RANBP3: variants seen among roughly 807,000 people sequenced by gnomAD.
RANBP3 encodes RAN binding protein 3.
In RANBP3, 14 loss-of-function variants were observed where a neutral mutation model predicts 77.3. The observed-to-expected ratio is 0.18, with a 90% CI of 0.12 to 0.28. The LOEUF is 0.28. Among genes scored for constraint, RANBP3 ranks in the 10% least tolerant of loss-of-function variants. The pLI is 1.00. For synonymous variants in RANBP3, 315 were observed against 312.4 expected (o/e 1.01, Z -0.09); for missense variants, 586 against 752.3 (o/e 0.78, Z 2.59).
Position 5,958,974 on chromosome 19 carries a change from G to A in RANBP3, c.23-1001C>T, listed in dbSNP as rs909954858. 8.5e-5 allele frequency among the ~76,000 whole-genome samples: 13 copies of A among 152,222 alleles called. No individual in the cohort carries two copies. The highest frequency in any genetic ancestry group is 2.9e-4 in the African/African-American group (12 of 41,462). Reference sequence around the variant, plus strand: ...CTGCCTTCGCAGGCCCCCCGACCCCGGTCGTGGGGAGCCAGGCATTACCCA... The same window carrying A: ...CTGCCTTCGCAGGCCCCCCGACCCCAGTCGTGGGGAGCCAGGCATTACCCA... On this transcript the variant is annotated intron_variant, in intron 1 of 16. Coordinates refer to ENST00000340578, the MANE Select transcript of RANBP3 (RefSeq NM_007322.3). The surrounding 1 kb of genome is among the most constrained non-coding windows in gnomAD (Gnocchi z 4.4).
chr19:5,967,899 C>T (rs1425105118), intron 1 of RANBP3, among the ~76,000 whole-genome samples: 2 of 152,072 alleles, frequency 1.3e-5, no homozygotes, highest in Non-Finnish European at 2.9e-5. Flanking sequence ...GATATGTAAT[C>T]CCAGCTACTC....
chr19:5,950,296 CT>C (rs1436763822), intron 3 of RANBP3, among the ~76,000 whole-genome samples: 1 of 152,208 alleles, frequency 6.6e-6, no homozygotes, highest in African/African-American at 2.4e-5. Flanking sequence ...CCCAAACCCA[CT>C]TTTGTGCCAC....
intron 3 of RANBP3, among the ~76,000 whole-genome samples, chr19:5,945,971 T>C (rs1426833355): frequency 1.3e-5 from 2 of 151,640 alleles, no homozygotes; most frequent in Non-Finnish European, 2.9e-5. Flanking sequence ...CTTTCCCTCC[T>C]GCCTCGGTGG....
chr19:5,952,666 C>G lies in RANBP3; in HGVS notation c.79-1070G>C, dbSNP rs2058289561. The stretch of plus-strand genomic sequence containing the variant: ...TCTTCTTGGGTGTGAAGTGGCTGAC[C>G]TCTTTAGACGGGGTTTGGGCACTAC... On this transcript the variant is annotated intron_variant, in intron 2 of 16. Coordinates refer to ENST00000340578, the MANE Select transcript of RANBP3 (RefSeq NM_007322.3). The surrounding 1 kb of genome is among the most constrained non-coding windows in gnomAD (Gnocchi z 4.1). Among the ~76,000 whole-genome samples the G allele has an allele frequency of 6.6e-6, 1 of 152,152 alleles. No homozygotes were observed. The highest frequency in any genetic ancestry group is 1.5e-5 in the Non-Finnish European group (1 of 68,028).
chr19:5,920,163 G>A (rs558097524), intron 14 of RANBP3, among the ~76,000 whole-genome samples: 1 of 152,380 alleles, frequency 6.6e-6, no homozygotes, highest in South Asian at 2.1e-4. Context: ...TTGGGAGGCT[G>A]AGGTGGGAGG....
At chr19:5,946,867 G>A (rs1437141107) in intron 3 of RANBP3, among the ~76,000 whole-genome samples, 1 of 152,220 alleles carries the variant, frequency 6.6e-6, no homozygotes, top group Non-Finnish European at 1.5e-5. Flanking sequence ...CAGCAGCCCA[G>A]GAGTCTGGAC....
chr19:5,917,781 C>T lies in RANBP3; in HGVS notation c.1660+13G>A. 1 of 1,602,324 alleles carries T rather than the reference C, an allele frequency of 6.2e-7. No individual in the cohort carries two copies. Among genetic ancestry groups the T allele is most frequent in the Non-Finnish European group, 8.5e-7 (1 of 1,174,126 alleles). On this transcript the variant is annotated intron_variant, in intron 16 of 16. Transcript: ENST00000340578. The stretch of plus-strand genomic sequence containing the variant: ...CTTTCTATCCCCCCCAGGGTAGGGA[C>T]CACCCGACTCACCAGCTGCGGTGGC...
chr19:5,933,328 G>C, intron 6 of RANBP3, 86 bp downstream of exon 6: 1 of 1,085,892 alleles, frequency 9.2e-7, no homozygotes, highest in Non-Finnish European at 1.3e-6. Context: ...AAAGCAGGCT[G>C]AGCCCGCGGT....
rs1258054085 is a variant in RANBP3 at position 5,941,291 on chromosome 19, G to GTT, written c.406+329_406+330insAA. Among the ~76,000 whole-genome samples the GTT allele has an allele frequency of 5.9e-5, 9 of 152,332 alleles. No homozygotes were observed. The East Asian group carries it at 1.5e-3, about 26-fold the overall frequency. ...AAACCCCCAGTCTGTGTCCAGCCTT[G>GTT]GAAAGAGGAGATGTAATTAACAGGC... On this transcript the variant is annotated intron_variant, in intron 5 of 16. Coordinates refer to ENST00000340578, the MANE Select transcript of RANBP3 (RefSeq NM_007322.3).
At chr19:5,953,480 G>A (rs1385556906) in intron 2 of RANBP3, among the ~76,000 whole-genome samples, 1 of 152,158 alleles carries the variant, frequency 6.6e-6, no homozygotes, top group Non-Finnish European at 1.5e-5. Flanking sequence ...CAGTGATACT[G>A]TACTTTCTGC....
At chr19:5,937,669 G>C (rs6510863) in intron 5 of RANBP3, among the ~76,000 whole-genome samples, 35,981 of 152,136 alleles carry the variant, frequency 0.24, 4,413 homozygotes, top group African/African-American at 0.31. Flanking sequence ...GTGAAGTTGG[G>C]TTTGCAGAAC....
chr19:5,951,700 C>T (rs1177970671), intron 2 of RANBP3, 104 bp from the exon 3 acceptor site: 1 of 1,051,982 alleles, frequency 9.5e-7, no homozygotes, highest in East Asian at 2.6e-5. Context: ...CAGCTTGCAG[C>T]AGCTCCTGCG....
rs2057752977 is a variant in RANBP3, at chr19:5,917,439, C to A, written c.*171G>T. 3 of 645,930 alleles carry A rather than the reference C, an allele frequency of 4.6e-6. No individual in the cohort carries two copies. Among genetic ancestry groups the A allele is most frequent in the Non-Finnish European group, 7.8e-6 (3 of 386,934 alleles). The allele number at this position is 645,930 out of a possible 1,614,324, so 40.0% of individuals were successfully genotyped here. A position where few individuals can be genotyped will look rare whatever the true frequency, so the allele number is the denominator to read the frequency against. ...TCTCGTGTCCCAAACCACATTCAGGCAGTTCCCGAGTCTGCTTTTGAACAG... is the reference window on the plus strand; with the variant it reads ...TCTCGTGTCCCAAACCACATTCAGGAAGTTCCCGAGTCTGCTTTTGAACAG... On this transcript the variant is annotated 3_prime_UTR_variant, in exon 17 of 17. Transcript: ENST00000340578.
chr19:5,928,829 G>T (rs1157379829), intron 8 of RANBP3, among the ~76,000 whole-genome samples: 1 of 152,158 alleles, frequency 6.6e-6, no homozygotes, highest in Non-Finnish European at 1.5e-5. Context: ...ATGGAATATG[G>T]AGTTGCTAGT....
chr19:5,950,499 A>AACATT (rs1378785406), intron 3 of RANBP3: 2 of 152,362 alleles, frequency 1.3e-5, no homozygotes, highest in Non-Finnish European at 2.9e-5. Context: ...CAGTTTCCTT[A>AACATT]AAAACCGGGG....
intron 15 of RANBP3, 110 bp downstream of exon 15, chr19:5,918,386 A>ACGGGGGG: frequency 3.2e-6 from 2 of 617,696 alleles, no homozygotes; most frequent in Non-Finnish European, 2.5e-6. Flanking sequence ...GAAGCAACTG[A>ACGGGGGG]AGCCCCTCCC....
intron 1 of RANBP3, among the ~76,000 whole-genome samples, chr19:5,977,356 T>C (rs542581977): frequency 3.3e-5 from 5 of 151,832 alleles, no homozygotes; most frequent in African/African-American, 9.7e-5. Flanking sequence ...CTGTCAGCGC[T>C]CCACAGAGGA....
intron 1 of RANBP3, among the ~76,000 whole-genome samples, chr19:5,968,588 C>T (rs545907568): frequency 2.0e-5 from 3 of 152,316 alleles, no homozygotes; most frequent in African/African-American, 4.8e-5. Flanking sequence ...TGCCCGGCAA[C>T]GACAAATGCG....
At chr19:5,962,516 A>C (rs980231797) in intron 1 of RANBP3, among the ~76,000 whole-genome samples, 5 of 152,082 alleles carry the variant, frequency 3.3e-5, no homozygotes, top group African/African-American at 1.2e-4. Flanking sequence ...ATGAAATGTC[A>C]CACGCCGCAA....
Sources: allele counts gnomAD v4.1 joint callset (sites outside exome capture counted in the v4.1 genomes callset), GRCh38; gene constraint gnomAD v4.1.1; non-coding constraint Gnocchi (gnomAD v3.1); transcripts MANE v1.5; gene names NCBI Gene and HGNC (gene_info 2026-07-23, HGNC 2026-07-21).